Variants in PLXNC1 observed in about 807,000 individuals in gnomAD.
The protein encoded by PLXNC1 is plexin-C1.
PLXNC1 carries 75 observed loss-of-function variants against 178.2 expected under a neutral mutation model. The ratio of observed to expected loss-of-function variants is 0.42; its 90% CI spans 0.35 to 0.51. PLXNC1 has a LOEUF of 0.51. Among genes scored for constraint, PLXNC1 ranks in the 20% least tolerant of loss-of-function variants. The pLI is 0.02. For synonymous variants in PLXNC1, 790 were observed against 779.9 expected (o/e 1.01, Z -0.22); for missense variants, 1,503 against 1,984.4 (o/e 0.76, Z 4.61).
rs1964941733 is a variant in PLXNC1, at chr12:94,259,625, G to A, written c.3142G>A (p.Asp1048Asn). ...TEDMHNRDAN[D>N]KNESLTALDA... ...TTTTTATCAGAACAGAGACGCCAAC[G>A]ACAAGAATGAAAGTCTCACAGCTTT... Residue 1048 changes from aspartate to asparagine, a missense_variant, in exon 19 of 31, where the codon GAC becomes AAC. This residue lies in a region of PLXNC1 where 639 missense variants were observed against 979.7 expected (regional missense o/e 0.65). Transcript: ENST00000258526. 1 of 1,606,298 alleles carries A rather than the reference G, an allele frequency of 6.2e-7. No homozygotes were observed. Among genetic ancestry groups the A allele is most frequent in the South Asian group, 1.1e-5 (1 of 89,856 alleles).
At chr12:94,296,364 A>G (rs1967920831) in intron 24 of PLXNC1, among the ~76,000 whole-genome samples, 1 of 152,034 alleles carries the variant, frequency 6.6e-6, no homozygotes, top group South Asian at 2.1e-4. Flanking sequence ...GTCTCGCTAC[A>G]TTGTCCAGGC....
At chr12:94,166,689 C>T (rs980928487) in intron 1 of PLXNC1, among the ~76,000 whole-genome samples, 31 of 151,924 alleles carry the variant, frequency 2.0e-4, no homozygotes, top group African/African-American at 6.8e-4. Flanking sequence ...TGAGTGAGAA[C>T]CAAGCTCAAA....
chr12:94,277,635 C>T (rs832508), intron 21 of PLXNC1: 189,522 of 306,936 alleles, frequency 0.62, 58,926 homozygotes, highest in Middle Eastern at 0.68. Context: ...TACTGGCTTC[C>T]ACTGGGTTCA....
rs139424086 is a variant in PLXNC1 at position 94,211,666 on chromosome 12, C to G, written c.1554+1962C>G. Among the ~76,000 whole-genome samples the G allele has an allele frequency of 5.7e-3, 870 of 152,282 alleles. 11 individuals carry two copies. The highest frequency in any genetic ancestry group is 0.02 in the African/African-American group (829 of 41,568). The stretch of plus-strand genomic sequence containing the variant: ...AGAAGCTTTATTTCTTTCCACAAAA[C>G]AATTAAAAGATAGTACATCCTCATA... On this transcript the variant is annotated intron_variant, in intron 5 of 30. Coordinates refer to ENST00000258526, the MANE Select transcript of PLXNC1 (RefSeq NM_005761.3).
intron 12 of PLXNC1, 142 bp downstream of exon 12, chr12:94,244,167 A>C: frequency 2.1e-6 from 1 of 468,730 alleles, no homozygotes. Context: ...TATTCTATCC[A>C]TGCTAGAATG....
At chr12:94,150,063 A>G (rs1960896813) in intron 1 of PLXNC1, 30 bp downstream of exon 1, 5 of 1,513,880 alleles carry the variant, frequency 3.3e-6, no homozygotes, top group Non-Finnish European at 4.4e-6. Context: ...CGCCGCGGAG[A>G]GCGCTGCTGC....
In PLXNC1 at chr12:94,298,280, G is replaced by T. The variant is rs149205920; in HGVS notation, c.4075-352G>T. 4.3e-3 allele frequency among the ~76,000 whole-genome samples: 652 copies of T among 152,330 alleles called. 7 individuals are homozygous for T. The highest frequency in any genetic ancestry group is 0.015 in the African/African-American group (620 of 41,570). On this transcript the variant is annotated intron_variant, in intron 26 of 30. Coordinates refer to ENST00000258526, the MANE Select transcript of PLXNC1 (RefSeq NM_005761.3). ...GAGCAGCATCACTTGAGCTTTTCCA[G>T]GCTGAACATAACTAATAAAAGCCAA... is the stretch of plus-strand genomic sequence containing the variant.
chr12:94,260,084 A>G lies in PLXNC1; in HGVS notation c.3251+350A>G, dbSNP rs1361746457. 6.6e-6 allele frequency among the ~76,000 whole-genome samples: 1 copy of G among 152,026 alleles called. No individual in the cohort carries two copies. Among genetic ancestry groups the G allele is most frequent in the Non-Finnish European group, 1.5e-5 (1 of 67,994 alleles). ...ACAATTTTTTTGTTGTTGTTGTTGG[A>G]GTCTCACTCTGTGGCCCAGGCTGAA... On this transcript the variant is annotated intron_variant, in intron 19 of 30. Coordinates refer to ENST00000258526, the MANE Select transcript of PLXNC1 (RefSeq NM_005761.3). This position sits in a 1 kb window ranked among gnomAD's most constrained non-coding sequence, Gnocchi z 4.4.
At chr12:94,199,768 A>AG (rs1404978017) in intron 4 of PLXNC1, among the ~76,000 whole-genome samples, 17 of 152,152 alleles carry the variant, frequency 1.1e-4, no homozygotes, top group Admixed American at 3.3e-4. Context: ...CTCAGAAGCC[A>AG]GGCTTTTTTG....
intron 3 of PLXNC1, chr12:94,186,151 G>A: frequency 2.2e-6 from 1 of 448,100 alleles, no homozygotes; most frequent in Non-Finnish European, 4.1e-6. Context: ...GAGAGTCTCT[G>A]CGGCAGAGGC....
intron 4 of PLXNC1, among the ~76,000 whole-genome samples, chr12:94,188,470 C>T (rs1051853012): frequency 5.3e-5 from 8 of 151,808 alleles, no homozygotes; most frequent in East Asian, 1.9e-4. Context: ...ATTACCGGTA[C>T]GTGCCACCAT....
chr12:94,162,381 G>A (rs975411171), intron 1 of PLXNC1, among the ~76,000 whole-genome samples: 2 of 152,144 alleles, frequency 1.3e-5, no homozygotes, highest in Non-Finnish European at 2.9e-5. Context: ...AGGAGGAGAA[G>A]AATGGCAAGG....
intron 3 of PLXNC1, among the ~76,000 whole-genome samples, chr12:94,182,982 T>A (rs886816904): frequency 4.6e-5 from 7 of 152,204 alleles, no homozygotes; most frequent in Non-Finnish European, 1.0e-4. Flanking sequence ...AAGCCTCTGA[T>A]AAATGATATT....
At chr12:94,222,530 C>G (rs1963824635) in intron 6 of PLXNC1, among the ~76,000 whole-genome samples, 1 of 152,152 alleles carries the variant, frequency 6.6e-6, no homozygotes, top group African/African-American at 2.4e-5. Flanking sequence ...CCATGCACAC[C>G]CCTATCTTGG....
chr12:94,154,244 C>T (rs1565783512), intron 1 of PLXNC1, among the ~76,000 whole-genome samples: 1 of 152,142 alleles, frequency 6.6e-6, no homozygotes, highest in Non-Finnish European at 1.5e-5. Context: ...AAAATTAAGG[C>T]CCAGAGAGCT....
At chr12:94,177,149 GTATATATA>G (rs1193393522) in intron 2 of PLXNC1, among the ~76,000 whole-genome samples, 19 of 91,854 alleles carry the variant, frequency 2.1e-4, no homozygotes, top group South Asian at 1.1e-3. Context: ...GTGTGTGTGT[GTATATATA>G]TATGTATATA....
chr12:94,275,810 C>T (rs533689259), intron 21 of PLXNC1, among the ~76,000 whole-genome samples: 2 of 83,480 alleles, frequency 2.4e-5, no homozygotes, highest in African/African-American at 1.0e-4. Context: ...AGCCGAGATC[C>T]CGCCACTGCA....
Position 94,279,891 on chromosome 12 carries a change from A to G in PLXNC1, c.3775+242A>G. On this transcript the variant is annotated intron_variant, in intron 22 of 30. Transcript: ENST00000258526. ...TGGCGTTTGTTGTTGTTGTCTTTAAATATTACGTCTGTAAATCAGATTGAT... is the reference window on the plus strand; with the variant it reads ...TGGCGTTTGTTGTTGTTGTCTTTAAGTATTACGTCTGTAAATCAGATTGAT... 4 of 657,276 alleles carry G rather than the reference A, an allele frequency of 6.1e-6. No homozygotes were observed. The South Asian group carries it at 6.2e-5, about 10-fold the overall frequency. The allele number at this position is 657,276 out of a possible 1,614,324, so 40.7% of individuals were successfully genotyped here.
At chr12:94,250,894 C>G (rs571949884) in intron 14 of PLXNC1, among the ~76,000 whole-genome samples, 1 of 151,720 alleles carries the variant, frequency 6.6e-6, no homozygotes, top group Non-Finnish European at 1.5e-5. Context: ...TGGTGTGTAC[C>G]GTAGCCCCAG....
Sources: allele counts gnomAD v4.1 joint callset (sites outside exome capture counted in the v4.1 genomes callset), GRCh38; gene constraint gnomAD v4.1.1; regional missense constraint gnomAD v4.1.1; non-coding constraint Gnocchi (gnomAD v3.1); transcripts MANE v1.5; gene names NCBI Gene and HGNC (gene_info 2026-07-23, HGNC 2026-07-21).